TECPR2: variants seen among roughly 807,000 people sequenced by gnomAD.
TECPR2 encodes the protein tectonin beta-propeller repeat containing 2.
A neutral mutation model predicts 138.1 loss-of-function variants in TECPR2; 65 were observed. That is an observed-to-expected ratio of 0.47 (90% CI 0.39 to 0.58). The LOEUF is 0.58. TECPR2 is among the 20% of genes least tolerant of loss of function. TECPR2 has a pLI of 0.00. For missense variants in TECPR2, 1,553 were observed against 1,824.5 expected, an observed-to-expected ratio of 0.85 and a Z score of 2.71; for synonymous variants, 746 against 749.8, an observed-to-expected ratio of 0.99 and a Z score of 0.08.
chr14:102,409,880 C>T (rs1247725219), intron 4 of TECPR2, among the ~76,000 whole-genome samples: 1 of 152,090 alleles, frequency 6.6e-6, no homozygotes, highest in Non-Finnish European at 1.5e-5. Flanking sequence ...TCTCGGCTCA[C>T]TGCAACCTCC....
intron 16 of TECPR2, among the ~76,000 whole-genome samples, chr14:102,455,334 C>T (rs1890250106): frequency 1.3e-5 from 2 of 152,184 alleles, no homozygotes; most frequent in African/African-American, 4.8e-5. Context: ...GCAGTGGGTG[C>T]AAGGAGGTCA....
At chr14:102,417,029 A>G (rs1216492420) in intron 5 of TECPR2, among the ~76,000 whole-genome samples, 1 of 152,068 alleles carries the variant, frequency 6.6e-6, no homozygotes, top group Non-Finnish European at 1.5e-5. Flanking sequence ...TGGCCCTTTA[A>G]CCTCTTGTGT....
intron 2 of TECPR2, among the ~76,000 whole-genome samples, chr14:102,401,777 C>A (rs1459797323): frequency 6.2e-5 from 8 of 128,554 alleles, no homozygotes; most frequent in Non-Finnish European, 1.1e-4. Context: ...TGTACTCCAG[C>A]CTGTGCAAAA....
At chr14:102,480,601 C>T (rs1160551654) in intron 17 of TECPR2, among the ~76,000 whole-genome samples, 1 of 151,836 alleles carries the variant, frequency 6.6e-6, no homozygotes, top group Admixed American at 6.6e-5. Flanking sequence ...CTCACTATAA[C>T]CACAAACCCC....
chr14:102,436,404 G>A (rs574910356), intron 9 of TECPR2, among the ~76,000 whole-genome samples: 18 of 147,564 alleles, frequency 1.2e-4, no homozygotes, highest in East Asian at 6.0e-4. Flanking sequence ...TTGCTGCCTC[G>A]ACCTCCCCAA....
Position 102,443,770 on chromosome 14 carries a change from G to A in TECPR2, c.2876G>A (p.Arg959Gln), listed in dbSNP as rs763118922. 9 of 1,608,784 alleles carry A rather than the reference G, an allele frequency of 5.6e-6. No individual in the cohort carries two copies. The South Asian group carries it at 6.6e-5, about 12-fold the overall frequency. The change falls in exon 12 of 20, where the codon CGG (arginine) becomes CAG (glutamine). Residue 959 changes from arginine to glutamine, a missense_variant. Transcript: ENST00000359520. This position sits in a 1 kb window ranked among gnomAD's most constrained non-coding sequence, Gnocchi z 4.9. ...ACAGAGCAGAGGGCCCTCCTGTACCGGGAGGGCGTGAGCAGCTTCTGTCCG... is the reference window on the plus strand; with the variant it reads ...ACAGAGCAGAGGGCCCTCCTGTACCAGGAGGGCGTGAGCAGCTTCTGTCCG... ...ALTEQRALLY[R>Q]EGVSSFCPEG... is the part of the protein sequence containing the mutation.
chr14:102,450,752 C>T (rs1316525719), intron 15 of TECPR2, 103 bp downstream of exon 15: 3 of 1,171,186 alleles, frequency 2.6e-6, no homozygotes, highest in Non-Finnish European at 3.7e-6. Context: ...TGGGGCATGC[C>T]TCGGAGACTG....
In TECPR2 at chr14:102,434,422, C is replaced by CGGT. The variant is rs1567339631; in HGVS notation, c.1607_1609dup (p.Gly536dup). ...AAAGCAGCTTCAATGGTGAAGTGAA[C>CGGT]GGTGTCCCACAGGAAAATACTGACC... On this transcript the variant is annotated inframe_insertion, in exon 9 of 20. Coordinates refer to ENST00000359520, the MANE Select transcript of TECPR2 (RefSeq NM_014844.5). 6.5e-7 allele frequency: 1 copy of CGGT among 1,530,226 alleles called. No individual in the cohort carries two copies. The highest frequency in any genetic ancestry group is 1.8e-4 in the Middle Eastern group (1 of 5,664). 94.8% of individuals were successfully genotyped at this position (1,530,226 alleles called of 1,614,324 possible).
chr14:102,376,797 A>G lies in TECPR2; in HGVS notation c.76A>G (p.Lys26Glu). The G allele has an allele frequency of 6.2e-7, 1 of 1,614,158 alleles. No homozygotes were observed. The highest frequency in any genetic ancestry group is 8.5e-7 in the Non-Finnish European group (1 of 1,180,014). ...LYYLLNAIPT[K>E]IQKGFRSIVV... ...CTATCTCCTCAATGCCATTCCGACA[A>G]AGATCCAGAAGGGTTTCCGCTCTAT... The change falls in exon 2 of 20, where the codon AAG becomes GAG. Residue 26 changes from lysine (K) to glutamate (E), a missense_variant. Coordinates refer to ENST00000359520, the MANE Select transcript of TECPR2 (RefSeq NM_014844.5).
intron 13 of TECPR2, among the ~76,000 whole-genome samples, chr14:102,446,666 C>T (rs894513377): frequency 1.3e-5 from 2 of 152,098 alleles, no homozygotes; most frequent in African/African-American, 2.4e-5. Context: ...GCTGGGATTA[C>T]AAGTGGAGCC....
intron 5 of TECPR2, among the ~76,000 whole-genome samples, chr14:102,423,868 T>C (rs750548258): frequency 1.3e-5 from 2 of 152,204 alleles, no homozygotes; most frequent in Non-Finnish European, 2.9e-5. Context: ...GATGGGTTGC[T>C]GTGAAGCTCA....
chr14:102,405,626 A>T (rs968231637), intron 2 of TECPR2, among the ~76,000 whole-genome samples: 2 of 152,212 alleles, frequency 1.3e-5, no homozygotes, highest in Admixed American at 6.5e-5. Flanking sequence ...TGCTCAAAAA[A>T]ATTAAAAATA....
intron 13 of TECPR2, among the ~76,000 whole-genome samples, chr14:102,448,475 C>A (rs375129558): frequency 1.1e-3 from 166 of 152,234 alleles, no homozygotes; most frequent in South Asian, 2.9e-3. Context: ...AGCAAGCTAC[C>A]CTTCTGAGCT....
At chr14:102,479,541 A>G (rs188615019) in intron 17 of TECPR2, among the ~76,000 whole-genome samples, 1 of 152,268 alleles carries the variant, frequency 6.6e-6, no homozygotes, top group East Asian at 1.9e-4. Flanking sequence ...CAGGACCCAA[A>G]TGGAGAAGGT....
In TECPR2 at chr14:102,434,309, C is replaced by A. The variant is rs1018872661; in HGVS notation, c.1492C>A (p.Gln498Lys). The A allele has an allele frequency of 2.8e-6, 4 of 1,444,516 alleles. No individual in the cohort carries two copies. Among genetic ancestry groups the A allele is most frequent in the Admixed American group, 2.5e-5 (1 of 40,796 alleles). The allele number at this position is 1,444,516 out of a possible 1,614,324, so 89.5% of individuals were successfully genotyped here. Residue 498 changes from glutamine (Q) to lysine (K), a missense_variant, in exon 9 of 20, where the codon CAG becomes AAG. Gln to Lys is a moderately conservative substitution (Grantham distance 53). Coordinates refer to ENST00000359520, the MANE Select transcript of TECPR2 (RefSeq NM_014844.5). ...CTCCGAATTTCCTGGGGACAGTCCC[C>A]AGTCCTTGAACACAGACTTGCTGTC... ...PCSEFPGDSP[Q>K]SLNTDLLSMT...
chr14:102,410,491 A>C (rs1409063918), intron 4 of TECPR2, among the ~76,000 whole-genome samples: 4 of 145,946 alleles, frequency 2.7e-5, no homozygotes, highest in African/African-American at 1.0e-4. Context: ...ATAAAAAATA[A>C]AAAATAAAAA....
intron 1 of TECPR2, among the ~76,000 whole-genome samples, chr14:102,372,136 A>T (rs1264005872): frequency 6.6e-6 from 1 of 152,082 alleles, no homozygotes; most frequent in Non-Finnish European, 1.5e-5. Flanking sequence ...TTTTTTGCAG[A>T]GTCAGGATCT....
At position 102,449,885 on chromosome 14, in the gene TECPR2, T is replaced by A; in HGVS notation, c.3316+16T>A. Reference sequence around the variant, plus strand: ...AGTCTCATAGGTGGGTGAATTGCTGTAATTTTCACACTGGCTTTATAGGCA... The same window carrying A: ...AGTCTCATAGGTGGGTGAATTGCTGAAATTTTCACACTGGCTTTATAGGCA... On this transcript the variant is annotated intron_variant, in intron 14 of 19. Transcript: ENST00000359520. The A allele has an allele frequency of 6.2e-7, 1 of 1,609,962 alleles. No individual in the cohort carries two copies. The highest frequency in any genetic ancestry group is 8.5e-7 in the Non-Finnish European group (1 of 1,178,482).
chr14:102,437,055 T>C, intron 9 of TECPR2: 2 of 985,460 alleles, frequency 2.0e-6, no homozygotes, highest in South Asian at 9.4e-5. Flanking sequence ...AGAAATTTTA[T>C]GGTGTGTTTT....
Sources: allele counts gnomAD v4.1 joint callset (sites outside exome capture counted in the v4.1 genomes callset), GRCh38; gene constraint gnomAD v4.1.1; non-coding constraint Gnocchi (gnomAD v3.1); transcripts MANE v1.5; gene names NCBI Gene and HGNC (gene_info 2026-07-23, HGNC 2026-07-21).